The following EYA4 variants were observed in gnomAD, a reference collection of about 807,000 sequenced individuals.
EYA4 encodes EYA transcriptional coactivator and phosphatase 4.
EYA4 carries 31 observed loss-of-function variants against 87.9 expected under a neutral mutation model. The ratio of observed to expected loss-of-function variants is 0.35; its 90% CI spans 0.27 to 0.48. The LOEUF is 0.48. Ranked by LOEUF, EYA4 falls within the 20% of genes least tolerant of loss-of-function variation. The pLI, the probability that EYA4 is intolerant of heterozygous loss-of-function variation, is 0.99. For synonymous variants in EYA4, 263 were observed against 270.6 expected, an observed-to-expected ratio of 0.97 and a Z score of 0.28; for missense variants, 678 against 761.4, an observed-to-expected ratio of 0.89 and a Z score of 1.29.
intron 3 of EYA4, among the ~76,000 whole-genome samples, chr6:133,404,108 C>A (rs1474054159): frequency 1.3e-5 from 2 of 152,144 alleles, no homozygotes; most frequent in Admixed American, 6.5e-5. Context: ...GCCACTGTGC[C>A]CGGCCTCCTG....
intron 1 of EYA4, among the ~76,000 whole-genome samples, chr6:133,264,123 T>C (rs1036602583): frequency 6.6e-6 from 1 of 151,900 alleles, no homozygotes; most frequent in Non-Finnish European, 1.5e-5. Context: ...TGCAGGACAG[T>C]GTGAGGCTGC....
chr6:133,242,691 G>A (rs1481479322), intron 1 of EYA4, among the ~76,000 whole-genome samples: 2 of 152,206 alleles, frequency 1.3e-5, no homozygotes, highest in Admixed American at 6.5e-5. Context: ...TTGTTTGCGA[G>A]ATTCTGAACA....
chr6:133,496,200 A>G (rs995634931), intron 13 of EYA4, among the ~76,000 whole-genome samples: 4 of 152,082 alleles, frequency 2.6e-5, no homozygotes, highest in Non-Finnish European at 4.4e-5. Flanking sequence ...GGGAGGGGGG[A>G]AAAGACCTTT....
At chr6:133,315,565 A>G (rs1465455733) in intron 2 of EYA4, among the ~76,000 whole-genome samples, 1 of 152,192 alleles carries the variant, frequency 6.6e-6, no homozygotes, top group Non-Finnish European at 1.5e-5. Context: ...GTAAAAGAAA[A>G]TGAGTGCAAG....
At chr6:133,431,880 A>C (rs1197227669) in intron 3 of EYA4, among the ~76,000 whole-genome samples, 1 of 152,002 alleles carries the variant, frequency 6.6e-6, no homozygotes, top group Non-Finnish European at 1.5e-5. Flanking sequence ...TTACAGAATG[A>C]TTTCATTTTG....
intron 1 of EYA4, among the ~76,000 whole-genome samples, chr6:133,244,877 G>A (rs1286729770): frequency 6.6e-6 from 1 of 152,056 alleles, no homozygotes; most frequent in Non-Finnish European, 1.5e-5. Flanking sequence ...AAGATAGAAT[G>A]ACAGAAAGAC....
At chr6:133,262,677 G>T (rs1267102070) in intron 1 of EYA4, among the ~76,000 whole-genome samples, 1 of 152,206 alleles carries the variant, frequency 6.6e-6, no homozygotes, top group Non-Finnish European at 1.5e-5. Flanking sequence ...TGACCCAAAT[G>T]ATTCTCACAA....
chr6:133,363,755 G>T (rs779469768), intron 2 of EYA4, among the ~76,000 whole-genome samples: 3 of 152,090 alleles, frequency 2.0e-5, no homozygotes, highest in Non-Finnish European at 4.4e-5. Flanking sequence ...GATTACAGGC[G>T]TGACCCACCG....
chr6:133,401,960 A>G (rs1442303025), intron 3 of EYA4, among the ~76,000 whole-genome samples: 4 of 152,052 alleles, frequency 2.6e-5, no homozygotes, highest in East Asian at 1.9e-4. Flanking sequence ...GGTGAACTGT[A>G]CTCTTTTTCT....
intron 13 of EYA4, among the ~76,000 whole-genome samples, chr6:133,498,929 A>C (rs559928463): frequency 1.1e-4 from 16 of 152,320 alleles, no homozygotes; most frequent in African/African-American, 3.4e-4. Flanking sequence ...GAATAGCCAA[A>C]TATATTCCTA....
At chr6:133,458,321 A>G (rs1794082021) in intron 6 of EYA4, among the ~76,000 whole-genome samples, 1 of 152,158 alleles carries the variant, frequency 6.6e-6, no homozygotes. Flanking sequence ...TTTGAAAATC[A>G]TCAAGTACGA....
At chr6:133,313,002 C>T (rs147203748) in intron 2 of EYA4, among the ~76,000 whole-genome samples, 99 of 152,242 alleles carry the variant, frequency 6.5e-4, no homozygotes, top group African/African-American at 2.2e-3. Flanking sequence ...GTATCCACAT[C>T]TCCTAAGATC....
intron 2 of EYA4, among the ~76,000 whole-genome samples, chr6:133,293,175 T>C (rs193180199): frequency 1.3e-5 from 2 of 152,324 alleles, no homozygotes; most frequent in East Asian, 3.9e-4. Context: ...GAAATTTAGC[T>C]GTCTTTGTTA....
intron 1 of EYA4, among the ~76,000 whole-genome samples, chr6:133,254,964 G>T (rs963586418): frequency 6.6e-6 from 1 of 152,184 alleles, no homozygotes; most frequent in Admixed American, 6.5e-5. Flanking sequence ...GACTACCTTT[G>T]TGTGTATCCA....
At chr6:133,439,623 G>A (rs528657883) in intron 3 of EYA4, among the ~76,000 whole-genome samples, 12 of 152,308 alleles carry the variant, frequency 7.9e-5, no homozygotes, top group South Asian at 4.1e-4. Context: ...AACAATGTGC[G>A]ACAGTACATG....
chr6:133,457,250 C>G (rs1244163009), intron 6 of EYA4, among the ~76,000 whole-genome samples: 4 of 152,196 alleles, frequency 2.6e-5, no homozygotes, highest in African/African-American at 9.6e-5. Flanking sequence ...ATATAAATAC[C>G]TGATAACTCC....
At position 133,426,007 on chromosome 6, in the gene EYA4, A is replaced by G. The variant is rs577789715; in HGVS notation, c.84-20623A>G. 5.3e-4 allele frequency among the ~76,000 whole-genome samples: 80 copies of G among 151,098 alleles called. 5 individuals carry two copies. Among genetic ancestry groups the G allele is most frequent in the African/African-American group, 1.9e-3 (79 of 40,532 alleles). ...CGATGCCGTTTCCCATCTCCATGCC[A>G]TTGAATAAACCTGTCCATCCATCTT... On this transcript the variant is annotated intron_variant, in intron 3 of 19. Transcript: ENST00000355286.
intron 13 of EYA4, among the ~76,000 whole-genome samples, chr6:133,485,162 A>G (rs1042637993): frequency 6.6e-6 from 1 of 152,212 alleles, no homozygotes; most frequent in African/African-American, 2.4e-5. Flanking sequence ...TAAACCTGTC[A>G]GCTCCCAGGA....
intron 3 of EYA4, among the ~76,000 whole-genome samples, chr6:133,436,199 G>A (rs1333942622): frequency 3.3e-5 from 5 of 151,172 alleles, no homozygotes; most frequent in Admixed American, 2.6e-4. Context: ...AGCTCTGGGC[G>A]ACAGAGCAAG....
Sources: gnomAD v4.1 joint callset for allele counts (sites outside exome capture counted in the v4.1 genomes callset) on GRCh38, gnomAD v4.1.1 for gene constraint, MANE v1.5 for transcripts, NCBI Gene and HGNC (gene_info 2026-07-23, HGNC 2026-07-21) for gene names.